Variants in ZNF385B observed in about 807,000 individuals in gnomAD.
ZNF385B encodes zinc finger protein 385B, also known as zinc finger protein 533.
In ZNF385B, 23 loss-of-function variants were observed where a neutral mutation model predicts 39.2. The ratio of observed to expected loss-of-function variants is 0.59; its 90% confidence interval spans 0.42 to 0.83. The LOEUF (loss-of-function observed/expected upper bound fraction) is 0.83, where lower values mean the gene tolerates loss of function less well. Among genes scored for constraint, ZNF385B ranks in the 40% least tolerant of loss-of-function variants. The pLI, the probability that ZNF385B is intolerant of heterozygous loss-of-function variation, is 0.00. For synonymous variants in ZNF385B, 205 were observed against 222.6 expected, an observed-to-expected ratio of 0.92 and a Z score of 0.70; for missense variants, 552 against 598.9, an observed-to-expected ratio of 0.92 and a Z score of 0.82.
At chr2:179,787,815 A>G (rs1575491391) in intron 1 of ZNF385B, among the ~76,000 whole-genome samples, 1 of 152,068 alleles carries the variant, frequency 6.6e-6, no homozygotes, top group East Asian at 1.9e-4. Context: ...TTTCCAATAT[A>G]CTTCTCTCCT....
intron 3 of ZNF385B, among the ~76,000 whole-genome samples, chr2:179,620,867 A>C (rs1286535427): frequency 2.0e-5 from 3 of 152,120 alleles, no homozygotes; most frequent in Non-Finnish European, 4.4e-5. Flanking sequence ...TTTAAAAAGC[A>C]TCTTTCACAT....
At chr2:179,591,524 T>C (rs1266165816) in intron 3 of ZNF385B, among the ~76,000 whole-genome samples, 6 of 152,164 alleles carry the variant, frequency 3.9e-5, no homozygotes, top group African/African-American at 1.4e-4. Flanking sequence ...TGTTCATCTC[T>C]AGAAAGCTGT....
At chr2:179,464,537 G>C (rs536559121) in intron 6 of ZNF385B, among the ~76,000 whole-genome samples, 1 of 152,294 alleles carries the variant, frequency 6.6e-6, no homozygotes, top group South Asian at 2.1e-4. Flanking sequence ...AAGGTGTAAG[G>C]AAGGGGTCCA....
intron 3 of ZNF385B, among the ~76,000 whole-genome samples, chr2:179,713,038 C>T (rs927197949): frequency 8.5e-5 from 13 of 152,172 alleles, no homozygotes; most frequent in African/African-American, 2.4e-4. Flanking sequence ...ACAACCCACA[C>T]TCCACAGTGG....
At chr2:179,468,939 C>A (rs1336936691) in intron 6 of ZNF385B, among the ~76,000 whole-genome samples, 1 of 152,102 alleles carries the variant, frequency 6.6e-6, no homozygotes, top group Non-Finnish European at 1.5e-5. Flanking sequence ...AAGAAAGATA[C>A]CAATCCTTTA....
chr2:179,685,457 T>C (rs1166025039), intron 3 of ZNF385B, among the ~76,000 whole-genome samples: 2 of 152,222 alleles, frequency 1.3e-5, no homozygotes, highest in Non-Finnish European at 2.9e-5. Flanking sequence ...TTATCTCTAA[T>C]AATAAAAAGT....
chr2:179,571,113 T>G (rs1469053519), intron 3 of ZNF385B, among the ~76,000 whole-genome samples: 2 of 152,204 alleles, frequency 1.3e-5, no homozygotes, highest in Admixed American at 1.3e-4. Context: ...ATTAACAATT[T>G]AAACACTGCT....
At chr2:179,738,082 T>G (rs1191805195) in intron 3 of ZNF385B, among the ~76,000 whole-genome samples, 1 of 152,168 alleles carries the variant, frequency 6.6e-6, no homozygotes, top group Non-Finnish European at 1.5e-5. Flanking sequence ...CAATCTGCCT[T>G]TTGCTTCAGT....
At chr2:179,533,644 G>C (rs2059394304) in intron 4 of ZNF385B, among the ~76,000 whole-genome samples, 1 of 152,094 alleles carries the variant, frequency 6.6e-6, no homozygotes, top group Admixed American at 6.6e-5. Flanking sequence ...AAAGGGAGAT[G>C]TGTAAGAGTC....
chr2:179,503,890 T>A (rs1415490897), intron 5 of ZNF385B, among the ~76,000 whole-genome samples: 7 of 151,094 alleles, frequency 4.6e-5, no homozygotes, highest in Non-Finnish European at 8.9e-5. Flanking sequence ...TTTTTTTTTT[T>A]TATACTTTAA....
intron 6 of ZNF385B, among the ~76,000 whole-genome samples, chr2:179,481,482 T>C (rs948198979): frequency 2.6e-5 from 4 of 152,028 alleles, no homozygotes; most frequent in African/African-American, 9.7e-5. Context: ...GATTGTTCCA[T>C]CTCTATTTCT....
At chr2:179,837,356 T>C (rs948466497) in intron 1 of ZNF385B, among the ~76,000 whole-genome samples, 3 of 152,226 alleles carry the variant, frequency 2.0e-5, no homozygotes, top group African/African-American at 7.2e-5. Flanking sequence ...GATTACAAGG[T>C]CAAAAGAAAT....
intron 1 of ZNF385B, among the ~76,000 whole-genome samples, chr2:179,812,703 A>G (rs1706813725): frequency 6.6e-6 from 1 of 152,212 alleles, no homozygotes; most frequent in Non-Finnish European, 1.5e-5. Flanking sequence ...CTCAGTACCT[A>G]AAGACCTTAC....
At chr2:179,493,714 T>C (rs1422683121) in intron 5 of ZNF385B, among the ~76,000 whole-genome samples, 4 of 104,378 alleles carry the variant, frequency 3.8e-5, no homozygotes, top group Non-Finnish European at 8.7e-5. Flanking sequence ...TATACACATA[T>C]GCATATACGT....
At chr2:179,791,998 G>A (rs373203067) in intron 1 of ZNF385B, among the ~76,000 whole-genome samples, 16 of 152,268 alleles carry the variant, frequency 1.1e-4, no homozygotes, top group African/African-American at 3.4e-4. Context: ...CTGACCTCAA[G>A]TGACCCACCT....
chr2:179,795,306 G>A (rs76129226), intron 1 of ZNF385B, among the ~76,000 whole-genome samples: 1,821 of 152,142 alleles, frequency 0.012, 20 homozygotes, highest in African/African-American at 0.03. Flanking sequence ...GGAAAAGTTA[G>A]AGTTATAGAA....
intron 3 of ZNF385B, among the ~76,000 whole-genome samples, chr2:179,700,789 G>A (rs7557526): frequency 0.86 from 130,963 of 152,184 alleles, 56,865 homozygotes; most frequent in South Asian, 0.93. Flanking sequence ...TGAGGCAGGC[G>A]GATCACGAGG....
intron 3 of ZNF385B, among the ~76,000 whole-genome samples, chr2:179,763,019 C>T (rs1297941399): frequency 6.6e-6 from 1 of 152,202 alleles, no homozygotes; most frequent in African/African-American, 2.4e-5. Flanking sequence ...ATTCTCCTGT[C>T]TCAACCTCCA....
intron 1 of ZNF385B, among the ~76,000 whole-genome samples, chr2:179,841,010 G>T (rs1708507774): frequency 6.6e-6 from 1 of 152,140 alleles, no homozygotes; most frequent in Non-Finnish European, 1.5e-5. Context: ...CATCTCCAGT[G>T]GTCCTCAGAA....
Sources: allele counts gnomAD v4.1 joint callset (sites outside exome capture counted in the v4.1 genomes callset), GRCh38; gene constraint gnomAD v4.1.1; transcripts MANE v1.5; gene names NCBI Gene and HGNC (gene_info 2026-07-23, HGNC 2026-07-21).